The following RPS6KA2 variants were observed in gnomAD, a reference collection of about 807,000 sequenced individuals.
The protein encoded by RPS6KA2 is ribosomal protein S6 kinase A2, also known as ribosomal protein S6 kinase alpha-2.
In RPS6KA2, 42 loss-of-function variants were observed where a neutral mutation model predicts 91.8. The observed-to-expected ratio is 0.46, with a 90% CI of 0.36 to 0.59. RPS6KA2 has a LOEUF of 0.59. RPS6KA2 is among the 20% of genes least tolerant of loss of function. RPS6KA2 has a pLI of 0.00. For missense variants in RPS6KA2, 798 were observed against 978.5 expected, an observed-to-expected ratio of 0.82 and a Z score of 2.46; for synonymous variants, 414 against 393.6, an observed-to-expected ratio of 1.05 and a Z score of -0.61.
chr6:166,839,819 A>C (rs1780420673), intron 2 of RPS6KA2, among the ~76,000 whole-genome samples: 1 of 150,730 alleles, frequency 6.6e-6, no homozygotes, highest in Non-Finnish European at 1.5e-5. Flanking sequence ...CAAGGAAGGC[A>C]GTCTGCTGAT....
intron 1 of RPS6KA2, among the ~76,000 whole-genome samples, chr6:166,566,049 G>A (rs181773739): frequency 2.6e-5 from 4 of 152,352 alleles, no homozygotes; most frequent in Admixed American, 2.6e-4. Flanking sequence ...AATGGGAAGA[G>A]TGTCATGGAA....
At chr6:166,478,358 G>T (rs890851059) in intron 10 of RPS6KA2, among the ~76,000 whole-genome samples, 1 of 152,176 alleles carries the variant, frequency 6.6e-6, no homozygotes, top group Non-Finnish European at 1.5e-5. Context: ...TTCAGCCACC[G>T]GCAAGGTTCC....
Position 166,769,862 on chromosome 6 carries a change from C to T in RPS6KA2, c.123+88338G>A, listed in dbSNP as rs1019430504. ...TGTGCAGTGCCCTCCCTGGGCAGCT[C>T]CGAGGGCCACCCACTGCCCAGCAAG... On this transcript the variant is annotated intron_variant, in intron 2 of 21. Transcript: ENST00000503859. Among the ~76,000 whole-genome samples the T allele has an allele frequency of 1.3e-4, 20 of 152,192 alleles. 1 individual carries two copies. The highest frequency in any genetic ancestry group is 7.9e-4 in the Admixed American group (12 of 15,280).
intron 2 of RPS6KA2, among the ~76,000 whole-genome samples, chr6:166,835,230 G>A (rs1391703605): frequency 6.6e-6 from 1 of 152,146 alleles, no homozygotes; most frequent in South Asian, 2.1e-4. Context: ...GACAGTGTGA[G>A]TTCTCCAACT....
intron 2 of RPS6KA2, among the ~76,000 whole-genome samples, chr6:166,744,906 C>T (rs1287251718): frequency 6.6e-6 from 1 of 152,178 alleles, no homozygotes; most frequent in African/African-American, 2.4e-5. Flanking sequence ...TCTACCTCTG[C>T]CTGCCTTTCC....
intron 17 of RPS6KA2, among the ~76,000 whole-genome samples, chr6:166,421,940 A>G (rs1778734562): frequency 6.6e-6 from 1 of 151,970 alleles, no homozygotes; most frequent in African/African-American, 2.4e-5. Context: ...TGCTCTTTCA[A>G]CCAGGCTGGA....
chr6:166,822,459 G>A (rs1047323777), intron 2 of RPS6KA2, among the ~76,000 whole-genome samples: 7 of 152,204 alleles, frequency 4.6e-5, no homozygotes, highest in African/African-American at 7.2e-5. Context: ...GGTGGGGTGG[G>A]AACCCACCCT....
At chr6:166,466,024 T>C (rs1193348453) in intron 11 of RPS6KA2, among the ~76,000 whole-genome samples, 1 of 152,158 alleles carries the variant, frequency 6.6e-6, no homozygotes, top group Non-Finnish European at 1.5e-5. Context: ...AGTACAGACA[T>C]GAAGGAAACA....
In RPS6KA2 at chr6:166,665,974, T is replaced by C. The variant is rs1333545592; in HGVS notation, c.124-127190A>G. On this transcript the variant is annotated intron_variant, in intron 2 of 21. Coordinates refer to the RPS6KA2 transcript ENST00000503859. The surrounding 1 kb of genome is among the most constrained non-coding windows in gnomAD (Gnocchi z 4.5). Reference sequence around the variant, plus strand: ...GACATCATGATGATGAACCCAATCATGTATATATAGCTTAAATCAAGTGGA... The same window carrying C: ...GACATCATGATGATGAACCCAATCACGTATATATAGCTTAAATCAAGTGGA... Among the ~76,000 whole-genome samples the C allele has an allele frequency of 6.6e-6, 1 of 152,110 alleles. No homozygotes were observed. The highest frequency in any genetic ancestry group is 6.5e-5 in the Admixed American group (1 of 15,276).
chr6:166,701,025 C>T, intron 2 of RPS6KA2: 1 of 1,193,116 alleles, frequency 8.4e-7, no homozygotes, highest in Non-Finnish European at 1.3e-6. Flanking sequence ...GGGGTCAGCG[C>T]CTGTCTGTTT....
chr6:166,824,266 G>A (rs1779978394), intron 2 of RPS6KA2, among the ~76,000 whole-genome samples: 1 of 152,202 alleles, frequency 6.6e-6, no homozygotes, highest in South Asian at 2.1e-4. Context: ...CCATGGAGCA[G>A]AGATAGAGAT....
chr6:166,627,058 G>T lies in RPS6KA2; in HGVS notation c.-39C>A. On this transcript the variant is annotated 5_prime_UTR_variant, in exon 1 of 21. Coordinates refer to ENST00000265678, the MANE Select transcript of RPS6KA2 (RefSeq NM_021135.6). ...GCCCGGAGCAGCCGCAGGGCCGGGG[G>T]ACGCGCATCCCCGGCATCCCAGGCG... 1 of 1,353,870 alleles carries T rather than the reference G, an allele frequency of 7.4e-7. No individual in the cohort carries two copies. 83.9% of individuals were successfully genotyped at this position (1,353,870 alleles called of 1,614,324 possible). A position where few individuals can be genotyped will look rare whatever the true frequency, so the allele number is the denominator to read the frequency against.
chr6:166,499,437 C>A (rs1781937390), intron 7 of RPS6KA2, among the ~76,000 whole-genome samples: 1 of 152,224 alleles, frequency 6.6e-6, no homozygotes, highest in African/African-American at 2.4e-5. Flanking sequence ...AGTCCCCATC[C>A]AAATCTCACC....
chr6:166,473,546 G>A (rs967996237), intron 10 of RPS6KA2, among the ~76,000 whole-genome samples: 7 of 152,138 alleles, frequency 4.6e-5, no homozygotes, highest in South Asian at 2.1e-4. Flanking sequence ...TATTTTTCAC[G>A]AGGTAAGCCA....
intron 2 of RPS6KA2, among the ~76,000 whole-genome samples, chr6:166,748,341 C>G (rs542028976): frequency 2.0e-5 from 3 of 152,246 alleles, no homozygotes; most frequent in African/African-American, 4.8e-5. Flanking sequence ...ATCCTGAAAA[C>G]TAACAAGTAA....
chr6:166,814,257 A>T (rs1033481874), intron 2 of RPS6KA2, among the ~76,000 whole-genome samples: 1 of 152,378 alleles, frequency 6.6e-6, no homozygotes, highest in Admixed American at 6.5e-5. Context: ...TAAATAACAA[A>T]GACAAAATAT....
chr6:166,847,766 G>T (rs531675743), intron 2 of RPS6KA2, among the ~76,000 whole-genome samples: 19 of 152,094 alleles, frequency 1.2e-4, no homozygotes, highest in African/African-American at 4.6e-4. Flanking sequence ...TACTCAAGAT[G>T]GATCAAAGAC....
chr6:166,539,562 T>C (rs1488576069), intron 1 of RPS6KA2, among the ~76,000 whole-genome samples: 1 of 152,198 alleles, frequency 6.6e-6, no homozygotes, highest in Non-Finnish European at 1.5e-5. Context: ...GAACACGTCA[T>C]TGCCATCCTA....
intron 2 of RPS6KA2, among the ~76,000 whole-genome samples, chr6:166,776,666 G>A (rs184483867): frequency 6.6e-6 from 1 of 152,294 alleles, no homozygotes; most frequent in East Asian, 1.9e-4. Context: ...CACAGCGTGG[G>A]GTCTTCTGGG....
Sources: gnomAD v4.1 joint callset for allele counts (sites outside exome capture counted in the v4.1 genomes callset) on GRCh38, gnomAD v4.1.1 for gene constraint, Gnocchi (gnomAD v3.1) non-coding constraint, MANE v1.5 for transcripts, NCBI Gene and HGNC (gene_info 2026-07-23, HGNC 2026-07-21) for gene names.